Variants in SRRM4 observed in about 807,000 individuals in gnomAD.
SRRM4 encodes the protein serine/arginine repetitive matrix 4.
In SRRM4, 33 loss-of-function variants were observed where a neutral mutation model predicts 68.9. That is an observed-to-expected ratio of 0.48 (90% CI 0.36 to 0.64). SRRM4 has a LOEUF of 0.64. SRRM4 is among the 30% of genes least tolerant of loss of function. The pLI is 0.00. For synonymous variants in SRRM4, 318 were observed against 318.8 expected (o/e 1.00, Z 0.03); for missense variants, 817 against 827.1 (o/e 0.99, Z 0.15).
intron 1 of SRRM4, among the ~76,000 whole-genome samples, chr12:119,084,709 C>T (rs144026172): frequency 4.1e-4 from 63 of 152,068 alleles, no homozygotes; most frequent in African/African-American, 1.4e-3. Flanking sequence ...TCAAAATTCT[C>T]ATAGTCCGGT....
chr12:119,082,478 C>A (rs554292794), intron 1 of SRRM4, among the ~76,000 whole-genome samples: 3 of 152,194 alleles, frequency 2.0e-5, no homozygotes, highest in African/African-American at 7.2e-5. Context: ...CGTGATTTCC[C>A]CCCCTTCTTT....
chr12:119,050,234 C>T (rs1009121954), intron 1 of SRRM4, among the ~76,000 whole-genome samples: 4 of 152,222 alleles, frequency 2.6e-5, no homozygotes, highest in African/African-American at 9.6e-5. Context: ...AGGACACTCA[C>T]TTGTTCTAGG....
intron 1 of SRRM4, among the ~76,000 whole-genome samples, chr12:119,095,959 CAA>C (rs34062118): frequency 0.28 from 29,460 of 105,950 alleles, 3,773 homozygotes; most frequent in South Asian, 0.37. Context: ...GCCTCAGTCT[CAA>C]AAAAAAAAAA....
In SRRM4 at chr12:119,085,463, A is replaced by G. The variant is rs78745700; in HGVS notation, c.132-16773A>G. ...TTCATGTTCTGCTGCATCTAGCAGA[A>G]AGAACAAAGACAGCCAAGATGCTGG... On this transcript the variant is annotated intron_variant, in intron 1 of 12. Transcript: ENST00000267260. Among the ~76,000 whole-genome samples, 211 of 152,346 alleles carry G rather than the reference A, an allele frequency of 1.4e-3. 1 individual carries two copies. The highest frequency in any genetic ancestry group is 2.0e-3 in the Non-Finnish European group (138 of 68,028).
chr12:119,160,652 T>A lies in SRRM4; in HGVS notation c.*3854T>A, dbSNP rs1303230587. The A allele has an allele frequency of 6.6e-6, 1 of 152,210 alleles. No homozygotes were observed. Among genetic ancestry groups the A allele is most frequent in the Non-Finnish European group, 1.5e-5 (1 of 68,038 alleles). The allele number at this position is 152,210 out of a possible 1,614,324, so 9.4% of individuals were successfully genotyped here. ...AACTGAATACATTGCTCCCTTTCCC[T>A]AGGGCAAAGTTCGACCTCTGTTAAG... On this transcript the variant is annotated 3_prime_UTR_variant, in exon 13 of 13. Transcript: ENST00000267260.
intron 1 of SRRM4, among the ~76,000 whole-genome samples, chr12:119,101,536 G>A (rs1868360232): frequency 6.6e-6 from 1 of 151,844 alleles, no homozygotes; most frequent in Non-Finnish European, 1.5e-5. Flanking sequence ...GACTTTTGAG[G>A]CCTTTCTGCT....
intron 1 of SRRM4, among the ~76,000 whole-genome samples, chr12:119,078,210 A>G (rs973842988): frequency 6.6e-6 from 1 of 152,202 alleles, no homozygotes; most frequent in African/African-American, 2.4e-5. Flanking sequence ...TATAAAAGGA[A>G]TCATTGAGGG....
intron 1 of SRRM4, among the ~76,000 whole-genome samples, chr12:119,047,548 T>C (rs1188690068): frequency 6.6e-6 from 1 of 152,186 alleles, no homozygotes; most frequent in East Asian, 1.9e-4. Context: ...TGTGTCCTCA[T>C]AGTTAAGCTC....
At chr12:118,997,127 C>T (rs375520222) in intron 1 of SRRM4, among the ~76,000 whole-genome samples, 1 of 152,230 alleles carries the variant, frequency 6.6e-6, no homozygotes, top group East Asian at 1.9e-4. Context: ...ATTAGTTAAC[C>T]ATACATGCTC....
Position 119,157,425 on chromosome 12 carries a change from A to T in SRRM4, c.*627A>T, listed in dbSNP as rs563243147. 3.4e-4 allele frequency: 52 copies of T among 153,140 alleles called. No individual in the cohort carries two copies. The highest frequency in any genetic ancestry group is 1.3e-3 in the African/African-American group (52 of 41,544). The allele number at this position is 153,140 out of a possible 1,614,324, so 9.5% of individuals were successfully genotyped here. A position where few individuals can be genotyped will look rare whatever the true frequency, so the allele number is the denominator to read the frequency against. On this transcript the variant is annotated 3_prime_UTR_variant, in exon 13 of 13. Coordinates refer to ENST00000267260, the MANE Select transcript of SRRM4 (RefSeq NM_194286.4). The surrounding 1 kb of genome is among the most constrained non-coding windows in gnomAD (Gnocchi z 4.1). ...TTGACTTGGTGGGAGGTGTCAGGAG[A>T]TAGGAGTTGGTTAAGATGATAGATA...
chr12:119,090,192 T>A (rs1455419147), intron 1 of SRRM4, among the ~76,000 whole-genome samples: 5 of 152,186 alleles, frequency 3.3e-5, no homozygotes, highest in Non-Finnish European at 7.3e-5. Context: ...ATCTGTCTTC[T>A]GCAAGTGATG....
intron 1 of SRRM4, among the ~76,000 whole-genome samples, chr12:119,004,431 G>T (rs1258771808): frequency 6.6e-6 from 1 of 152,004 alleles, no homozygotes; most frequent in Non-Finnish European, 1.5e-5. Context: ...GTTTAAGAAA[G>T]TACAGTGGTT....
intron 1 of SRRM4, among the ~76,000 whole-genome samples, chr12:119,053,263 A>AGAAAAT (rs1348770620): frequency 1.8e-4 from 27 of 152,202 alleles, no homozygotes; most frequent in African/African-American, 5.6e-4. Flanking sequence ...TAAACAGGAC[A>AGAAAAT]CTTATTTTCC....
At chr12:119,105,168 C>T (rs144096247) in intron 2 of SRRM4, among the ~76,000 whole-genome samples, 5,969 of 152,056 alleles carry the variant, frequency 0.039, 130 homozygotes, top group African/African-American at 0.055. Context: ...TTCATGGCTG[C>T]ATAGTATTCC....
chr12:119,074,731 C>A (rs1953897997), intron 1 of SRRM4, among the ~76,000 whole-genome samples: 1 of 152,132 alleles, frequency 6.6e-6, no homozygotes, highest in African/African-American at 2.4e-5. Flanking sequence ...TTTAAACCAC[C>A]ACACCCCTGA....
rs369276807 is a variant in SRRM4, at chr12:119,007,780, C to T, written c.131+25767C>T. Among the ~76,000 whole-genome samples the T allele has an allele frequency of 5.9e-5, 9 of 152,142 alleles. No individual in the cohort carries two copies. In the East Asian group the frequency reaches 1.2e-3, roughly 20 times the overall value. On this transcript the variant is annotated intron_variant, in intron 1 of 12. Transcript: ENST00000267260. The stretch of plus-strand genomic sequence containing the variant: ...GGAGTGAGGGTTTAGCAGCACTCCT[C>T]CTGTAAACCAGTACAGACCAATCCC...
At position 119,154,411 on chromosome 12, in the gene SRRM4, C is replaced by T. The variant is rs751980205; in HGVS notation, c.1532+28C>T. 2.5e-6 allele frequency: 4 copies of T among 1,607,576 alleles called. No homozygotes were observed. The highest frequency in any genetic ancestry group is 2.5e-6 in the Non-Finnish European group (3 of 1,176,900). On this transcript the variant is annotated intron_variant, in intron 12 of 12. Coordinates refer to ENST00000267260, the MANE Select transcript of SRRM4 (RefSeq NM_194286.4). This position sits in a 1 kb window ranked among gnomAD's most constrained non-coding sequence, Gnocchi z 4.7. ...GAGGCCAGGGGGCAAGGGGGACCCA[C>T]CTTCATCCTCGTTCCCACTCCCATT...
intron 1 of SRRM4, among the ~76,000 whole-genome samples, chr12:119,041,448 C>T (rs1455213273): frequency 2.0e-5 from 3 of 152,126 alleles, no homozygotes; most frequent in African/African-American, 7.2e-5. Flanking sequence ...CACAACTTAC[C>T]CATATAAATT....
At chr12:119,071,278 C>G (rs1953876324) in intron 1 of SRRM4, among the ~76,000 whole-genome samples, 1 of 152,126 alleles carries the variant, frequency 6.6e-6, no homozygotes, top group African/African-American at 2.4e-5. Context: ...AGGCAGGATA[C>G]AGCAGTGGTT....
Sources: allele counts gnomAD v4.1 joint callset (sites outside exome capture counted in the v4.1 genomes callset), GRCh38; gene constraint gnomAD v4.1.1; non-coding constraint Gnocchi (gnomAD v3.1); transcripts MANE v1.5; gene names NCBI Gene and HGNC (gene_info 2026-07-23, HGNC 2026-07-21).